LYPLAL1: variants seen among roughly 807,000 people sequenced by gnomAD.
LYPLAL1 encodes the protein lysophospholipase like 1.
Under a neutral mutation model 19.7 loss-of-function variants are expected in LYPLAL1, and 23 were observed. The ratio of observed to expected loss-of-function variants is 1.17; its 90% CI spans 0.84 to 1.65. The LOEUF (loss-of-function observed/expected upper bound fraction) is 1.65, where lower values mean the gene tolerates loss of function less well. Ranked by LOEUF, LYPLAL1 falls within the 40% of genes most tolerant of loss-of-function variation. LYPLAL1 has a pLI of 0.00. For synonymous variants in LYPLAL1, 119 were observed against 96.3 expected (o/e 1.24, Z -1.38); for missense variants, 355 against 279.4 (o/e 1.27, Z -1.93).
chr1:219,363,364 A>G, the LYPLAL1 span, among the ~76,000 whole-genome samples: 20 of 152,274 alleles, frequency 1.3e-4, no homozygotes, highest in African/African-American at 4.1e-4. Context: ...AGTACGTAAA[A>G]TATTTTATAG....
the LYPLAL1 span, among the ~76,000 whole-genome samples, chr1:219,275,702 T>C: frequency 6.6e-6 from 1 of 152,060 alleles, no homozygotes; most frequent in African/African-American, 2.4e-5. Flanking sequence ...CAAATTATTA[T>C]TAGTGCTTTA....
intron 1 of LYPLAL1, 60 bp downstream of exon 1, chr1:219,174,041 A>G: frequency 6.2e-7 from 1 of 1,606,050 alleles, no homozygotes; most frequent in Non-Finnish European, 8.5e-7. Context: ...CCCCTCGGTT[A>G]CCCCAGTATT....
the LYPLAL1 span, among the ~76,000 whole-genome samples, chr1:219,313,936 A>G: frequency 1.3e-5 from 2 of 152,244 alleles, no homozygotes; most frequent in African/African-American, 2.4e-5. Context: ...AATAATAAGC[A>G]TAGTACCTGA....
At chr1:219,413,658 G>A in the LYPLAL1 span, among the ~76,000 whole-genome samples, 1 of 152,172 alleles carries the variant, frequency 6.6e-6, no homozygotes, top group East Asian at 1.9e-4. Context: ...CTCTGTGACA[G>A]CTCCCTACCC....
the LYPLAL1 span, among the ~76,000 whole-genome samples, chr1:219,319,748 T>A: frequency 8.5e-4 from 129 of 152,262 alleles, no homozygotes; most frequent in Non-Finnish European, 1.5e-3. Flanking sequence ...ACTCACCCCC[T>A]TCTACATGTG....
intron 3 of LYPLAL1, among the ~76,000 whole-genome samples, chr1:219,207,736 G>A (rs1045102353): frequency 1.3e-5 from 2 of 151,946 alleles, no homozygotes; most frequent in Middle Eastern, 3.2e-3. Context: ...CAACAGAAGT[G>A]GCAGTATGTA....
the LYPLAL1 span, among the ~76,000 whole-genome samples, chr1:219,229,778 A>G: frequency 7.9e-5 from 12 of 152,074 alleles, no homozygotes; most frequent in Non-Finnish European, 2.9e-5. Context: ...AACGAGCCAC[A>G]CCCTCATCGC....
chr1:219,426,685 G>C, the LYPLAL1 span, among the ~76,000 whole-genome samples: 9 of 151,712 alleles, frequency 5.9e-5, no homozygotes, highest in Admixed American at 3.9e-4. Flanking sequence ...TGCAACCTCT[G>C]CCTCCCAGGT....
At chr1:219,363,501 T>C in the LYPLAL1 span, among the ~76,000 whole-genome samples, 2 of 152,198 alleles carry the variant, frequency 1.3e-5, no homozygotes, top group Non-Finnish European at 2.9e-5. Context: ...CAGAAAATTA[T>C]CTATGTAGCT....
At chr1:219,257,362 T>TTG in the LYPLAL1 span, among the ~76,000 whole-genome samples, 1 of 43,760 alleles carries the variant, frequency 2.3e-5, no homozygotes, top group Non-Finnish European at 5.2e-5. Context: ...AGTTTTTGTT[T>TTG]TTTTTTTTTT....
chr1:219,343,583 A>C, the LYPLAL1 span, among the ~76,000 whole-genome samples: 1 of 152,200 alleles, frequency 6.6e-6, no homozygotes, highest in East Asian at 1.9e-4. Flanking sequence ...TTGCAGCTGA[A>C]AGAATATTTT....
At chr1:219,253,253 T>A in the LYPLAL1 span, among the ~76,000 whole-genome samples, 6 of 152,024 alleles carry the variant, frequency 3.9e-5, no homozygotes, top group African/African-American at 1.4e-4. Context: ...TTTATTGATC[T>A]TTTTAATAAC....
At chr1:219,204,449 C>T (rs1386940955) in intron 3 of LYPLAL1, among the ~76,000 whole-genome samples, 1 of 152,136 alleles carries the variant, frequency 6.6e-6, no homozygotes, top group Non-Finnish European at 1.5e-5. Context: ...TCTTCATTTC[C>T]TTCTAGTTTG....
At chr1:219,293,620 T>C in the LYPLAL1 span, among the ~76,000 whole-genome samples, 1 of 152,250 alleles carries the variant, frequency 6.6e-6, no homozygotes, top group Non-Finnish European at 1.5e-5. Context: ...GAATTTGTCT[T>C]TGGAAGGCTG....
chr1:219,412,348 T>A, the LYPLAL1 span, among the ~76,000 whole-genome samples: 1 of 152,214 alleles, frequency 6.6e-6, no homozygotes, highest in Non-Finnish European at 1.5e-5. Context: ...TTTCTCTTCT[T>A]GGTTTAATGT....
chr1:219,390,906 T>G, the LYPLAL1 span, among the ~76,000 whole-genome samples: 1 of 152,152 alleles, frequency 6.6e-6, no homozygotes, highest in Admixed American at 6.5e-5. Flanking sequence ...CTGCACCTCA[T>G]TTTATAATGG....
chr1:219,266,761 G>T, the LYPLAL1 span, among the ~76,000 whole-genome samples: 2 of 152,116 alleles, frequency 1.3e-5, no homozygotes. Flanking sequence ...TTGTTTAGCT[G>T]TAGTATAATC....
chr1:219,404,332 A>G, the LYPLAL1 span, among the ~76,000 whole-genome samples: 10 of 152,288 alleles, frequency 6.6e-5, 1 homozygote, highest in South Asian at 2.1e-3. Flanking sequence ...TAGTTATGTA[A>G]TTAAAATCCA....
chr1:219,284,483 A>G, the LYPLAL1 span, among the ~76,000 whole-genome samples: 1 of 152,226 alleles, frequency 6.6e-6, no homozygotes, highest in African/African-American at 2.4e-5. Flanking sequence ...TATTTCATGT[A>G]ACGCAATAAT....
Sources: gnomAD v4.1 joint callset for allele counts (sites outside exome capture counted in the v4.1 genomes callset) on GRCh38, gnomAD v4.1.1 for gene constraint, MANE v1.5 for transcripts, NCBI Gene and HGNC (gene_info 2026-07-23, HGNC 2026-07-21) for gene names.